The following STN1 variants were observed in gnomAD, a reference collection of about 807,000 sequenced individuals.
STN1 encodes STN1 subunit of CST complex, also known as CST complex subunit STN1.
In STN1, 29 loss-of-function variants were observed where a neutral mutation model predicts 45.5. The observed-to-expected ratio is 0.64, with a 90% CI of 0.47 to 0.87. The LOEUF is 0.87. Ranked by LOEUF, STN1 falls within the 40% of genes least tolerant of loss-of-function variation. The pLI, the probability that STN1 is intolerant of heterozygous loss-of-function variation, is 0.00. For synonymous variants in STN1, 148 were observed against 159.0 expected (o/e 0.93, Z 0.52); for missense variants, 376 against 441.4 (o/e 0.85, Z 1.33).
In STN1 at chr10:103,905,158, T is replaced by C; in HGVS notation, c.230-2A>G. 2 of 1,613,862 alleles carry C rather than the reference T, an allele frequency of 1.2e-6. No homozygotes were observed. Among genetic ancestry groups the C allele is most frequent in the East Asian group, 2.2e-5 (1 of 44,872 alleles). On this transcript the variant is annotated splice_acceptor_variant, in intron 3 of 9. Transcript: ENST00000224950. LOFTEE classifies it high-confidence loss of function. Reference sequence around the variant, plus strand: ...TTATAACTCCAGTGCTGTCATCCACTGCAAGAGAAAAGCAAAAGGGTATAA... The same window carrying C: ...TTATAACTCCAGTGCTGTCATCCACCGCAAGAGAAAAGCAAAAGGGTATAA...
At chr10:103,884,086 T>C (rs1335963754) in intron 9 of STN1, among the ~76,000 whole-genome samples, 1 of 71,398 alleles carries the variant, frequency 1.4e-5, no homozygotes, top group African/African-American at 7.1e-5. Flanking sequence ...TGAGACTCCA[T>C]CTCAAAAAAA....
chr10:103,911,844 C>A (rs772272841), intron 2 of STN1, among the ~76,000 whole-genome samples: 1 of 152,172 alleles, frequency 6.6e-6, no homozygotes, highest in Non-Finnish European at 1.5e-5. Flanking sequence ...CTGGCCTCTG[C>A]TGATGGCTCT....
At chr10:103,903,925 A>C (rs902206770) in intron 4 of STN1, among the ~76,000 whole-genome samples, 2 of 152,244 alleles carry the variant, frequency 1.3e-5, no homozygotes, top group African/African-American at 2.4e-5. Flanking sequence ...CCATTGATTT[A>C]GATGTTCCCA....
At position 103,880,542 on chromosome 10, in the gene STN1, G is replaced by A. The variant is rs192898677; in HGVS notation, c.*2142C>T. 9.0e-4 allele frequency among the ~76,000 whole-genome samples: 137 copies of A among 152,088 alleles called. No homozygotes were observed. The highest frequency in any genetic ancestry group is 1.2e-4 in the Non-Finnish European group (8 of 68,040). ...ATCAGGAGCAAGCCTGGGGTCAGGA[G>A]TAATTGGGAGCCTGGCTTTGGGCCT... is the stretch of plus-strand genomic sequence containing the variant. On this transcript the variant is annotated 3_prime_UTR_variant, in exon 10 of 10. Transcript: ENST00000224950.
chr10:103,886,807 C>G lies in STN1; in HGVS notation c.949+2265G>C, dbSNP rs1385635196. On this transcript the variant is annotated intron_variant, in intron 9 of 9. Transcript: ENST00000224950. ...CATCTTGTAGGTACTATTATTATCC[C>G]CACTTTGCATTTAAAGAACCCAAGG... 2.0e-5 allele frequency among the ~76,000 whole-genome samples: 3 copies of G among 152,262 alleles called. No homozygotes were observed. The East Asian group carries it at 5.8e-4, about 29-fold the overall frequency.
chr10:103,914,374 A>ATTTTTTTTTTT (rs1264013304), intron 2 of STN1, among the ~76,000 whole-genome samples: 2 of 97,408 alleles, frequency 2.1e-5, no homozygotes, highest in African/African-American at 4.9e-5. Flanking sequence ...ATATATATAT[A>ATTTTTTTTTTT]TTTTTTTTTT....
At chr10:103,908,792 A>G (rs1843260792) in intron 3 of STN1, among the ~76,000 whole-genome samples, 1 of 152,194 alleles carries the variant, frequency 6.6e-6, no homozygotes. Context: ...CACAGGCTTA[A>G]TATCTAGCCT....
Position 103,917,484 on chromosome 10 carries a change from C to A in STN1, c.111G>T (p.Met37Ile). ...AKLYIRDILD[M>I]KESRQVPGVF... Reference sequence around the variant, plus strand: ...TACCTGGCACCTGGCGGGACTCCTTCATGTCCAGGATATCCCTGATGTAGA... The same window carrying A: ...TACCTGGCACCTGGCGGGACTCCTTAATGTCCAGGATATCCCTGATGTAGA... The change falls in exon 2 of 10, where the codon ATG becomes ATT. Residue 37 changes from methionine to isoleucine, a missense_variant. Physicochemically the swap from Met to Ile is conservative, Grantham distance 10. Transcript: ENST00000224950. 6.2e-7 allele frequency: 1 copy of A among 1,613,832 alleles called. No individual in the cohort carries two copies. Among genetic ancestry groups the A allele is most frequent in the Non-Finnish European group, 8.5e-7 (1 of 1,179,858 alleles).
At position 103,880,710 on chromosome 10, in the gene STN1, CT is replaced by C. The variant is rs1391474722; in HGVS notation, c.*1973del. ...CATGTAGATGGTATAATCCATGTGG[CT>C]GCTGGAGACACCCCAGTGAGCAAGC... is the stretch of plus-strand genomic sequence containing the variant. On this transcript the variant is annotated 3_prime_UTR_variant, in exon 10 of 10. Transcript: ENST00000224950. Among the ~76,000 whole-genome samples, 1 of 152,186 alleles carries C rather than the reference CT, an allele frequency of 6.6e-6. No individual in the cohort carries two copies. Among genetic ancestry groups the C allele is most frequent in the East Asian group, 1.9e-4 (1 of 5,198 alleles).
chr10:103,911,326 C>T (rs1843289613), intron 2 of STN1, among the ~76,000 whole-genome samples: 3 of 152,160 alleles, frequency 2.0e-5, no homozygotes, highest in South Asian at 4.1e-4. Context: ...CCTGATGGTC[C>T]CAGGGCTGTC....
Position 103,905,151 on chromosome 10 carries a change from C to A in STN1, c.235G>T (p.Asp79Tyr). Residue 79 changes from aspartate (D) to tyrosine (Y), a missense_variant, in exon 4 of 10, where the codon GAC becomes TAC. Coordinates refer to ENST00000224950, the MANE Select transcript of STN1 (RefSeq NM_024928.5). ...RDAFYSYGVDDSTGVINCICW... is the reference protein window; with the variant it reads ...RDAFYSYGVDYSTGVINCICW... ...ATGCAGTTTATAACTCCAGTGCTGT[C>A]ATCCACTGCAAGAGAAAAGCAAAAG... The A allele has an allele frequency of 6.2e-7, 1 of 1,613,958 alleles. No individual in the cohort carries two copies. The highest frequency in any genetic ancestry group is 1.1e-5 in the South Asian group (1 of 91,064).
intron 9 of STN1, among the ~76,000 whole-genome samples, chr10:103,885,690 T>C (rs1360935028): frequency 6.6e-6 from 1 of 152,180 alleles, no homozygotes; most frequent in Non-Finnish European, 1.5e-5. Context: ...GTGCCTGGCC[T>C]TAGATTCTTC....
chr10:103,888,643 A>C (rs1843118664), intron 9 of STN1, among the ~76,000 whole-genome samples: 1 of 152,350 alleles, frequency 6.6e-6, no homozygotes, highest in East Asian at 1.9e-4. Context: ...ATAGAGGGAA[A>C]TGTCAGGTTT....
chr10:103,907,821 GA>G (rs1340117784), intron 3 of STN1, among the ~76,000 whole-genome samples: 2 of 151,234 alleles, frequency 1.3e-5, no homozygotes, highest in African/African-American at 4.9e-5. Flanking sequence ...TAGTATAATA[GA>G]AAGTTAAAAA....
intron 3 of STN1, among the ~76,000 whole-genome samples, chr10:103,907,794 G>T (rs10883948): frequency 0.44 from 67,469 of 151,646 alleles, 15,699 homozygotes; most frequent in Non-Finnish European, 0.5. Flanking sequence ...TTCTCTGTAG[G>T]TGAAAAGCTT....
chr10:103,903,197 G>A (rs1166497994), intron 4 of STN1, among the ~76,000 whole-genome samples: 6 of 152,140 alleles, frequency 3.9e-5, no homozygotes, highest in Non-Finnish European at 8.8e-5. Context: ...GTTACTTTCT[G>A]TTATAATGGC....
intron 3 of STN1, among the ~76,000 whole-genome samples, chr10:103,907,308 C>T (rs190892862): frequency 3.3e-5 from 5 of 152,012 alleles, no homozygotes; most frequent in East Asian, 1.9e-4. Flanking sequence ...ATTACAATGA[C>T]GTAGTATATG....
intron 4 of STN1, among the ~76,000 whole-genome samples, chr10:103,900,497 T>C (rs938531449): frequency 6.6e-5 from 10 of 152,228 alleles, no homozygotes; most frequent in African/African-American, 1.2e-4. Flanking sequence ...CCTTCTTTCC[T>C]GCCCTGCATC....
At chr10:103,913,374 GACA>G (rs1370379242) in intron 2 of STN1, among the ~76,000 whole-genome samples, 4 of 152,044 alleles carry the variant, frequency 2.6e-5, no homozygotes, top group Middle Eastern at 3.4e-3. Flanking sequence ...CTCACGGACT[GACA>G]ACAATGACTT....
Sources: allele counts gnomAD v4.1 joint callset (sites outside exome capture counted in the v4.1 genomes callset), GRCh38; gene constraint gnomAD v4.1.1; transcripts MANE v1.5; gene names NCBI Gene and HGNC (gene_info 2026-07-23, HGNC 2026-07-21).